NYAP2: variants seen among roughly 807,000 people sequenced by gnomAD.
The protein encoded by NYAP2 is neuronal tyrosine-phosphorylated phosphoinositide-3-kinase adaptor 2.
In NYAP2, 23 loss-of-function variants were observed where a neutral mutation model predicts 50.4. That is an observed-to-expected ratio of 0.46 (90% CI 0.33 to 0.65). The LOEUF is 0.65. Ranked by LOEUF, NYAP2 falls within the 30% of genes least tolerant of loss-of-function variation. The probability of loss-of-function intolerance (pLI) is 0.02; values close to 1 mark genes in which losing one functional copy is unlikely to be tolerated. For missense variants in NYAP2, 885 were observed against 861.0 expected, an observed-to-expected ratio of 1.03 and a Z score of -0.35; for synonymous variants, 394 against 365.2, an observed-to-expected ratio of 1.08 and a Z score of -0.90.
At chr2:225,619,273 G>A (rs1693045984) in intron 5 of NYAP2, among the ~76,000 whole-genome samples, 1 of 152,214 alleles carries the variant, frequency 6.6e-6, no homozygotes, top group African/African-American at 2.4e-5. Flanking sequence ...CAAAGTGGAA[G>A]TTTGTCTGGC....
chr2:225,410,764 A>G (rs1468821071), intron 3 of NYAP2, among the ~76,000 whole-genome samples: 2 of 152,126 alleles, frequency 1.3e-5, no homozygotes, highest in Admixed American at 6.6e-5. Flanking sequence ...AGTTGTTAAG[A>G]CAACAAAAAT....
chr2:225,571,694 C>G (rs2106222336), intron 4 of NYAP2, among the ~76,000 whole-genome samples: 2 of 152,308 alleles, frequency 1.3e-5, no homozygotes, highest in Middle Eastern at 3.4e-3. Context: ...GCCTCTGGGC[C>G]TGTGATGGGA....
the NYAP2 span, among the ~76,000 whole-genome samples, chr2:225,666,857 C>T: frequency 4.4e-5 from 6 of 137,822 alleles, no homozygotes; most frequent in Non-Finnish European, 7.6e-5. Context: ...TGCCCCCCCA[C>T]CCCCCCAACA....
intron 5 of NYAP2, among the ~76,000 whole-genome samples, chr2:225,599,687 G>A (rs1478113580): frequency 1.3e-5 from 2 of 152,120 alleles, no homozygotes; most frequent in Admixed American, 6.5e-5. Context: ...GATGGAAGAA[G>A]GTATCAGTAA....
downstream of NYAP2, among the ~76,000 whole-genome samples, chr2:225,658,377 C>A (rs919242743): frequency 6.6e-6 from 1 of 152,142 alleles, no homozygotes; most frequent in Non-Finnish European, 1.5e-5. Context: ...TCTGTACTAA[C>A]TTCAAATTGT....
At chr2:225,549,750 C>T (rs1362796117) in intron 4 of NYAP2, among the ~76,000 whole-genome samples, 3 of 152,014 alleles carry the variant, frequency 2.0e-5, no homozygotes, top group East Asian at 1.9e-4. Context: ...GGGAGGCTGA[C>T]GTGGGTGGAT....
chr2:225,673,037 G>T, the NYAP2 span, among the ~76,000 whole-genome samples: 2 of 151,914 alleles, frequency 1.3e-5, no homozygotes, highest in South Asian at 4.2e-4. Flanking sequence ...AGGTTTAATG[G>T]ACTTACAGTT....
rs77101339 is a variant in NYAP2 at position 225,419,866 on chromosome 2, G to A, written c.221+10765G>A. The stretch of plus-strand genomic sequence containing the variant: ...TACAGGGGAAGATTGTTTGCTTTGG[G>A]CATTTGCAAATGACACATGTACCCA... On this transcript the variant is annotated intron_variant, in intron 3 of 6. Transcript: ENST00000636099. Among the ~76,000 whole-genome samples the A allele has an allele frequency of 8.2e-3, 1,248 of 152,078 alleles. 19 individuals carry two copies. The highest frequency in any genetic ancestry group is 0.028 in the African/African-American group (1,171 of 41,456).
Position 225,530,349 on chromosome 2 carries a change from C to T in NYAP2, c.523+16677C>T, listed in dbSNP as rs1030810857. Among the ~76,000 whole-genome samples the T allele has an allele frequency of 7.2e-5, 11 of 152,218 alleles. No homozygotes were observed. The East Asian group carries it at 1.9e-3, about 27-fold the overall frequency. ...CTCCTGCACATGTTTGCTCTGAGGC[C>T]TCCACCCTCATCCAAAATCCACTGC... On this transcript the variant is annotated intron_variant, in intron 4 of 6. Transcript: ENST00000636099.
chr2:225,636,231 T>C lies in NYAP2; in HGVS notation c.1828+9105T>C, dbSNP rs141197448. Among the ~76,000 whole-genome samples, 8 of 152,344 alleles carry C rather than the reference T, an allele frequency of 5.3e-5. No homozygotes were observed. The East Asian group carries it at 1.5e-3, about 29-fold the overall frequency. On this transcript the variant is annotated intron_variant, in intron 6 of 6. Transcript: ENST00000636099. The stretch of plus-strand genomic sequence containing the variant: ...GACACTAAATTTGGTACTAGCATGA[T>C]GAGTAGGAGCCAGGCAAATAAGAGA...
At chr2:225,683,224 G>T in the NYAP2 span, among the ~76,000 whole-genome samples, 3 of 152,080 alleles carry the variant, frequency 2.0e-5, no homozygotes, top group Non-Finnish European at 4.4e-5. Flanking sequence ...TTCTATTTCT[G>T]AGCCTAAGCT....
chr2:225,610,238 A>C (rs564076096), intron 5 of NYAP2, among the ~76,000 whole-genome samples: 2 of 152,244 alleles, frequency 1.3e-5, no homozygotes, highest in South Asian at 2.1e-4. Context: ...GGAGCCCAAC[A>C]TCAAGATGTT....
At chr2:225,493,612 G>A (rs1472664398) in intron 3 of NYAP2, among the ~76,000 whole-genome samples, 1 of 152,150 alleles carries the variant, frequency 6.6e-6, no homozygotes, top group African/African-American at 2.4e-5. Context: ...GCTCTCACCT[G>A]GATTCGTGCA....
rs569546268 is a variant in NYAP2 at position 225,547,050 on chromosome 2, G to A, written c.523+33378G>A. ...GTGCCCTATCCTATTGTGGCTAAGC[G>A]GGTGTCCACAAAGCTAGAAAAAAGT... is the stretch of plus-strand genomic sequence containing the variant. On this transcript the variant is annotated intron_variant, in intron 4 of 6. Transcript: ENST00000636099. 7.9e-5 allele frequency among the ~76,000 whole-genome samples: 12 copies of A among 152,142 alleles called. No individual in the cohort carries two copies. The East Asian group carries it at 1.2e-3, about 15-fold the overall frequency.
intron 3 of NYAP2, among the ~76,000 whole-genome samples, chr2:225,488,096 G>A (rs2106169113): frequency 6.6e-6 from 1 of 152,224 alleles, no homozygotes; most frequent in Non-Finnish European, 1.5e-5. Flanking sequence ...CATTATACAG[G>A]CTAAATCAAA....
At chr2:225,594,134 G>A (rs548788701) in intron 5 of NYAP2, among the ~76,000 whole-genome samples, 11 of 152,266 alleles carry the variant, frequency 7.2e-5, no homozygotes, top group Non-Finnish European at 7.4e-5. Context: ...TAGAAAGAAA[G>A]ATACCTTTTT....
In NYAP2 at chr2:225,425,534, G is replaced by A. The variant is rs1039719514; in HGVS notation, c.221+16433G>A. On this transcript the variant is annotated intron_variant, in intron 3 of 6. Coordinates refer to ENST00000636099, the Ensembl canonical transcript of NYAP2. ...AATTTCATGCTGCAATTAAATTCTT[G>A]ACACACACTTGGAATGGGAAACTTA... is the stretch of plus-strand genomic sequence containing the variant. Among the ~76,000 whole-genome samples the A allele has an allele frequency of 2.6e-5, 4 of 152,238 alleles. No individual in the cohort carries two copies. The East Asian group carries it at 7.7e-4, about 29-fold the overall frequency.
At chr2:225,635,383 A>T (rs1398308049) in intron 6 of NYAP2, among the ~76,000 whole-genome samples, 3 of 152,216 alleles carry the variant, frequency 2.0e-5, no homozygotes, top group African/African-American at 7.2e-5. Context: ...CTATCTTTAC[A>T]GGAGAGATCA....
intron 6 of NYAP2, among the ~76,000 whole-genome samples, chr2:225,634,071 A>G (rs1693368526): frequency 6.6e-6 from 1 of 152,178 alleles, no homozygotes; most frequent in Non-Finnish European, 1.5e-5. Context: ...AGCAATAGCA[A>G]CACTGGTAAG....
Sources: gnomAD v4.1 joint callset for allele counts (sites outside exome capture counted in the v4.1 genomes callset) on GRCh38, gnomAD v4.1.1 for gene constraint, MANE v1.5 for transcripts, NCBI Gene and HGNC (gene_info 2026-07-23, HGNC 2026-07-21) for gene names.